The following PBK variants were observed in gnomAD, a reference collection of about 807,000 sequenced individuals.
PBK encodes the protein PDZ binding kinase, also known as lymphokine-activated killer T-cell-originated protein kinase.
A neutral mutation model predicts 33.5 loss-of-function variants in PBK; 22 were observed. The observed-to-expected ratio is 0.66, with a 90% CI of 0.47 to 0.94. PBK has a LOEUF of 0.94. Among genes scored for constraint, PBK ranks in the 40% least tolerant of loss-of-function variants. The pLI is 0.00. For missense variants in PBK, 376 were observed against 383.4 expected (o/e 0.98, Z 0.16); for synonymous variants, 129 against 123.8 (o/e 1.04, Z -0.28).
At position 27,822,342 on chromosome 8, in the gene PBK, A is replaced by G. The variant is rs1465573677; in HGVS notation, c.442T>C (p.Leu148=). The G allele has an allele frequency of 1.2e-6, 2 of 1,612,506 alleles. No homozygotes were observed. The highest frequency in any genetic ancestry group is 4.5e-5 in the East Asian group (2 of 44,816). Residue 148 remains leucine, a synonymous_variant, in exon 5 of 8, where the codon TTG becomes CTG. Coordinates refer to ENST00000301905, the MANE Select transcript of PBK (RefSeq NM_018492.4). Reference sequence around the variant, plus strand: ...ACCTTTAACCCTCTTGCCATATTCAAAGCAACTTTTAAAATTATGGCTGCT... The same window carrying G: ...ACCTTTAACCCTCTTGCCATATTCAGAGCAACTTTTAAAATTATGGCTGCT... ...FPAAIILKVA[L]NMARGLKYLH...
At chr8:27,817,045 C>G (rs936091178) in intron 6 of PBK, among the ~76,000 whole-genome samples, 1 of 152,030 alleles carries the variant, frequency 6.6e-6, no homozygotes, top group African/African-American at 2.4e-5. Flanking sequence ...AAATAGAAAG[C>G]CTTTGCCTAC....
intron 3 of PBK, among the ~76,000 whole-genome samples, chr8:27,824,941 T>C (rs1226657352): frequency 3.3e-5 from 5 of 152,220 alleles, no homozygotes; most frequent in Non-Finnish European, 7.3e-5. Flanking sequence ...TATAGACTTC[T>C]GGGTTAAAAT....
chr8:27,811,996 G>T (rs997255474), intron 6 of PBK: 1 of 151,976 alleles, frequency 6.6e-6, no homozygotes, highest in Admixed American at 6.6e-5. Context: ...AGATTCCTTG[G>T]GATTTTCTAC....
chr8:27,811,511 T>C (rs1045437816), intron 6 of PBK, among the ~76,000 whole-genome samples: 1 of 152,182 alleles, frequency 6.6e-6, no homozygotes, highest in Non-Finnish European at 1.5e-5. Flanking sequence ...CTTCATTTTG[T>C]GAACAATATT....
rs147056080 is a variant in PBK, at chr8:27,836,093, G to T, written c.-21+1559C>A. Among the ~76,000 whole-genome samples the T allele has an allele frequency of 5.6e-4, 86 of 152,258 alleles. 1 individual carries two copies. Among genetic ancestry groups the T allele is most frequent in the East Asian group, 5.6e-3 (29 of 5,176 alleles). On this transcript the variant is annotated intron_variant, in intron 1 of 7. Coordinates refer to ENST00000301905, the MANE Select transcript of PBK (RefSeq NM_018492.4). ...TGAAGGGAGCAGAAGGCCTTGGGAA[G>T]GGGCTTAATATTTGAGTTTAAAGTG...
chr8:27,810,364 C>A lies in PBK; in HGVS notation c.910G>T (p.Asp304Tyr), dbSNP rs1805648837. 2 of 1,612,416 alleles carry A rather than the reference C, an allele frequency of 1.2e-6. No individual in the cohort carries two copies. The highest frequency in any genetic ancestry group is 1.3e-5 in the African/African-American group (1 of 74,894). ...IELFSVCTNE[D>Y]PKDRPSAAHI... ...GCAGCAGAAGGACGATCTTTAGGGT[C>A]TTCATTAGTGCATACAGAGAAGAGT... Residue 304 changes from aspartate (D) to tyrosine (Y), a missense_variant, in exon 8 of 8, where the codon GAC becomes TAC. Asp to Tyr is a radical substitution (Grantham distance 160, BLOSUM62 -3). Transcript: ENST00000301905.
intron 6 of PBK, among the ~76,000 whole-genome samples, chr8:27,815,239 T>G (rs773841405): frequency 2.0e-5 from 3 of 152,074 alleles, no homozygotes; most frequent in Non-Finnish European, 4.4e-5. Flanking sequence ...GCCAGGAAAT[T>G]GAAGATTCCA....
chr8:27,823,518 T>C (rs10101512), intron 3 of PBK, among the ~76,000 whole-genome samples: 23,894 of 151,972 alleles, frequency 0.16, 2,383 homozygotes, highest in East Asian at 0.37. Context: ...TTGAGCATGT[T>C]GGACTACAAC....
intron 6 of PBK, among the ~76,000 whole-genome samples, chr8:27,819,144 TTCA>T (rs1310231157): frequency 4.6e-5 from 7 of 152,122 alleles, no homozygotes; most frequent in African/African-American, 1.7e-4. Flanking sequence ...TCCTCCTCCT[TTCA>T]TCGAGTTTTC....
intron 3 of PBK, among the ~76,000 whole-genome samples, chr8:27,826,750 C>G (rs982661476): frequency 2.9e-5 from 3 of 104,692 alleles, no homozygotes; most frequent in African/African-American, 1.4e-4. Context: ...GAGCCGAGAT[C>G]GCGCCACTGC....
intron 5 of PBK, among the ~76,000 whole-genome samples, chr8:27,821,823 A>G (rs1805934559): frequency 6.6e-6 from 1 of 152,094 alleles, no homozygotes; most frequent in Non-Finnish European, 1.5e-5. Context: ...ACGTATAAGG[A>G]TGTTTTGGTC....
chr8:27,818,615 ATC>A (rs1289977272), intron 6 of PBK, among the ~76,000 whole-genome samples: 1 of 152,130 alleles, frequency 6.6e-6, no homozygotes, highest in Admixed American at 6.5e-5. Flanking sequence ...TAGAGCTTTT[ATC>A]TGTTTCTCAT....
chr8:27,820,842 A>C (rs867619234), intron 5 of PBK, 148 bp from the exon 6 acceptor site: 8 of 333,066 alleles, frequency 2.4e-5, no homozygotes, highest in Non-Finnish European at 4.0e-5. Flanking sequence ...TTTTTTTTTT[A>C]AAACGGAGTC....
chr8:27,835,785 G>A (rs1806216570), intron 1 of PBK, among the ~76,000 whole-genome samples: 1 of 152,186 alleles, frequency 6.6e-6, no homozygotes, highest in Non-Finnish European at 1.5e-5. Context: ...GTGACCTTAG[G>A]TGATCCACCC....
intron 7 of PBK, 49 bp downstream of exon 7, chr8:27,810,909 T>C (rs1805664918): frequency 2.6e-6 from 3 of 1,161,926 alleles, no homozygotes; most frequent in Middle Eastern, 2.0e-4. Context: ...ATATAATCTT[T>C]AGTGTGAAAT....
At chr8:27,820,052 T>C (rs1331809202) in intron 6 of PBK, among the ~76,000 whole-genome samples, 1 of 152,166 alleles carries the variant, frequency 6.6e-6, no homozygotes, top group Non-Finnish European at 1.5e-5. Flanking sequence ...AAGCAGAGGC[T>C]TTCTCTTGAG....
chr8:27,826,166 G>GA (rs575395960), intron 3 of PBK, among the ~76,000 whole-genome samples: 19 of 151,630 alleles, frequency 1.3e-4, no homozygotes, highest in Admixed American at 2.6e-4. Flanking sequence ...GTGTAAGCTA[G>GA]AAAAAAAACA....
At chr8:27,831,140 G>A (rs1285724296) in intron 2 of PBK, among the ~76,000 whole-genome samples, 1 of 152,078 alleles carries the variant, frequency 6.6e-6, no homozygotes, top group Non-Finnish European at 1.5e-5. Flanking sequence ...ATCACTTGAG[G>A]CCAGGAGTTT....
intron 3 of PBK, among the ~76,000 whole-genome samples, chr8:27,825,325 C>G (rs1480644800): frequency 6.6e-6 from 1 of 152,172 alleles, no homozygotes; most frequent in African/African-American, 2.4e-5. Flanking sequence ...GTAGTCCCAG[C>G]TACTTGGGAG....
Sources: allele counts gnomAD v4.1 joint callset (sites outside exome capture counted in the v4.1 genomes callset), GRCh38; gene constraint gnomAD v4.1.1; transcripts MANE v1.5; gene names NCBI Gene and HGNC (gene_info 2026-07-23, HGNC 2026-07-21).